The following ZC3H12B variants were observed in gnomAD, a reference collection of about 807,000 sequenced individuals.
ZC3H12B encodes zinc finger CCCH-type containing 12B.
A neutral mutation model predicts 43.9 loss-of-function variants in ZC3H12B; 7 were observed. The ratio of observed to expected loss-of-function variants is 0.16; its 90% confidence interval spans 0.09 to 0.30. The LOEUF (loss-of-function observed/expected upper bound fraction) is 0.30, where lower values mean the gene tolerates loss of function less well. Among genes scored for constraint, ZC3H12B ranks in the 10% least tolerant of loss-of-function variants. The pLI is 1.00. For synonymous variants in ZC3H12B, 222 were observed against 241.7 expected, an observed-to-expected ratio of 0.92 and a Z score of 0.76; for missense variants, 475 against 670.2, an observed-to-expected ratio of 0.71 and a Z score of 3.22.
chrX:65,308,974 G>A, the ZC3H12B span, among the ~76,000 whole-genome samples: 1 of 111,741 alleles, frequency 8.9e-6, no homozygotes, highest in Non-Finnish European at 1.9e-5. Context: ...GAATCTCTGG[G>A]ACACATTTAA....
the ZC3H12B span, chrX:65,330,675 G>C: frequency 8.6e-6 from 1 of 115,971 alleles, no homozygotes; most frequent in East Asian, 2.8e-4. Context: ...TGTGGTTTTT[G>C]TCTTTGGTTC....
chrX:65,449,567 C>A (rs2067440032), intron 3 of ZC3H12B, among the ~76,000 whole-genome samples: 1 of 110,232 alleles, frequency 9.1e-6, no homozygotes, highest in African/African-American at 3.3e-5. Flanking sequence ...TGCAGTGAAC[C>A]AAGATCACAC....
chrX:65,269,132 G>T, the ZC3H12B span, among the ~76,000 whole-genome samples: 2 of 110,986 alleles, frequency 1.8e-5, no homozygotes, highest in African/African-American at 6.5e-5. Flanking sequence ...GGATCACAAG[G>T]TCAAGAGATC....
intron 3 of ZC3H12B, chrX:65,408,091 G>T (rs2066858298): frequency 1.2e-5 from 14 of 1,191,798 alleles, no homozygotes; most frequent in South Asian, 3.7e-5. Context: ...CGATGTTCCC[G>T]CAGAGCCGGC....
the ZC3H12B span, among the ~76,000 whole-genome samples, chrX:65,050,847 G>A: frequency 2.5e-4 from 28 of 111,113 alleles, no homozygotes; most frequent in East Asian, 6.5e-3. Flanking sequence ...GAAGATTTTT[G>A]CATCTATGCT....
At chrX:65,503,886 G>T (rs953880050) in exon 5 of ZC3H12B, 3 of 111,629 alleles carry the variant, frequency 2.7e-5, no homozygotes, top group African/African-American at 9.8e-5. Flanking sequence ...TAAAGTGCTG[G>T]GATTACAGGT....
upstream of ZC3H12B, among the ~76,000 whole-genome samples, chrX:65,487,196 G>A (rs1478854102): frequency 8.9e-6 from 1 of 112,829 alleles, no homozygotes; most frequent in Non-Finnish European, 1.9e-5. Context: ...AAGTAAGCAT[G>A]CAGTTATGCA....
the ZC3H12B span, among the ~76,000 whole-genome samples, chrX:65,147,256 G>C: frequency 8.9e-6 from 1 of 111,910 alleles, no homozygotes; most frequent in Non-Finnish European, 1.9e-5. Context: ...AGGCTGTCTG[G>C]TACAGTCTGC....
chrX:65,163,929 G>C, the ZC3H12B span, among the ~76,000 whole-genome samples: 1 of 111,607 alleles, frequency 9.0e-6, no homozygotes, highest in East Asian at 2.8e-4. Context: ...CCCCTCTGCT[G>C]GCAGAGTTTT....
At chrX:65,159,786 C>T in the ZC3H12B span, among the ~76,000 whole-genome samples, 1 of 111,816 alleles carries the variant, frequency 8.9e-6, no homozygotes, top group Non-Finnish European at 1.9e-5. Context: ...CTGGCCAGAA[C>T]TTCCAACACT....
chrX:65,136,592 C>A, the ZC3H12B span, among the ~76,000 whole-genome samples: 2 of 111,057 alleles, frequency 1.8e-5, no homozygotes, highest in Non-Finnish European at 3.8e-5. Flanking sequence ...TTCTATGGTC[C>A]TTTGGCTAGA....
chrX:65,140,462 A>G, the ZC3H12B span, among the ~76,000 whole-genome samples: 1 of 111,949 alleles, frequency 8.9e-6, no homozygotes, highest in Non-Finnish European at 1.9e-5. Context: ...ATCTTGATGA[A>G]TAAACCTTCT....
the ZC3H12B span, among the ~76,000 whole-genome samples, chrX:65,072,009 T>C: frequency 8.9e-6 from 1 of 112,210 alleles, no homozygotes; most frequent in African/African-American, 3.2e-5. Flanking sequence ...CCTAGCTAAG[T>C]TGGGAAAGTT....
chrX:65,366,680 T>C (rs1302236548), exon 1 of ZC3H12B: 2 of 111,912 alleles, frequency 1.8e-5, no homozygotes, highest in Non-Finnish European at 3.8e-5. Flanking sequence ...CACTGCTTCT[T>C]TTAAGAGTGA....
intron 3 of ZC3H12B, among the ~76,000 whole-genome samples, chrX:65,456,373 A>T (rs2067610220): frequency 9.5e-6 from 1 of 105,007 alleles, no homozygotes; most frequent in African/African-American, 3.5e-5. Context: ...ATCAAAAGAG[A>T]CAAAGAGCTC....
At chrX:65,074,827 T>C in the ZC3H12B span, among the ~76,000 whole-genome samples, 1 of 112,346 alleles carries the variant, frequency 8.9e-6, no homozygotes, top group Non-Finnish European at 1.9e-5. Flanking sequence ...TTTTATGTTT[T>C]CAGTTGATTT....
chrX:65,340,475 C>T, the ZC3H12B span, among the ~76,000 whole-genome samples: 2 of 111,901 alleles, frequency 1.8e-5, no homozygotes, highest in Non-Finnish European at 3.8e-5. Flanking sequence ...TACCAGTGGT[C>T]TGGCAGCACC....
At chrX:65,367,137 C>G (rs1447681631) in intron 1 of ZC3H12B, among the ~76,000 whole-genome samples, 1 of 111,746 alleles carries the variant, frequency 8.9e-6, no homozygotes, top group Non-Finnish European at 1.9e-5. Flanking sequence ...CAACTTGTGA[C>G]CCTTTTCTTG....
In ZC3H12B at chrX:65,389,134, TACTGGAGAACC is replaced by T. The variant is rs1197707315; in HGVS notation, n.296-9455_296-9445del. Among the ~76,000 whole-genome samples the T allele has an allele frequency of 6.2e-5, 7 of 112,162 alleles. No individual in the cohort carries two copies. In the Admixed American group the frequency reaches 6.6e-4, roughly 11 times the overall value. On this transcript the variant is annotated intron_variant and non_coding_transcript_variant, in intron 2 of 5. Coordinates refer to the ZC3H12B transcript ENST00000617377. ...GTCCGTTCTCGGATCTCCAGCTGTG[TACTGGAGAACC>T]ACTATTCTCTTCAAAGCTGTCAGAC...
Sources: gnomAD v4.1 joint callset for allele counts (sites outside exome capture counted in the v4.1 genomes callset) on GRCh38, gnomAD v4.1.1 for gene constraint, MANE v1.5 for transcripts, NCBI Gene and HGNC (gene_info 2026-07-23, HGNC 2026-07-21) for gene names.